The following COASY variants were observed in gnomAD, a reference collection of about 807,000 sequenced individuals.
COASY encodes the protein bifunctional coenzyme A synthase.
COASY carries 31 observed loss-of-function variants against 49.4 expected under a neutral mutation model. That is an observed-to-expected ratio of 0.63 (90% CI 0.47 to 0.85). The LOEUF is 0.85. Ranked by LOEUF, COASY falls within the 40% of genes least tolerant of loss-of-function variation. The pLI is 0.00. For missense variants in COASY, 730 were observed against 734.1 expected (o/e 0.99, Z 0.06); for synonymous variants, 285 against 310.9 (o/e 0.92, Z 0.88).
intron 4 of COASY, 37 bp downstream of exon 4, chr17:42,564,935 A>C (rs1245866394): frequency 6.2e-7 from 1 of 1,613,550 alleles, no homozygotes; most frequent in South Asian, 1.1e-5. Context: ...GCCTGGAGTG[A>C]GGAGCTAGCC....
In COASY at chr17:42,565,796, C is replaced by T. The variant is rs937193332; in HGVS notation, c.1623C>T (p.Thr541=). The T allele has an allele frequency of 6.2e-7, 1 of 1,613,910 alleles. No individual in the cohort carries two copies. The highest frequency in any genetic ancestry group is 8.5e-7 in the Non-Finnish European group (1 of 1,180,000). The change falls in exon 8 of 9, where the codon ACC becomes ACT. Residue 541 remains threonine, a synonymous_variant. Coordinates refer to ENST00000393818, the MANE Select transcript of COASY (RefSeq NM_025233.7). ...VLSTLWEPHI[T]QRQVEKAWAL... ...GCACCTTGTGGGAGCCGCATATCAC[C>T]CAACGCCAGGTTGGTGCCCAGGGCA...
intron 6 of COASY, 49 bp downstream of exon 6, chr17:42,565,360 T>G: frequency 6.2e-7 from 1 of 1,606,710 alleles, no homozygotes. Flanking sequence ...TTAAGCTGTT[T>G]CTTCCCCTGG....
chr17:42,565,433 C>G, intron 6 of COASY, 38 bp from the exon 7 acceptor site: 3 of 1,611,730 alleles, frequency 1.9e-6, no homozygotes, highest in Non-Finnish European at 2.5e-6. Context: ...CCTGGGAGAA[C>G]GTCGGCACTG....
At position 42,565,538 on chromosome 17, in the gene COASY, G is replaced by C; in HGVS notation, c.1455G>C (p.Glu485Asp). ...CCGGCTGGCAGAACCTGGTCCATGA[G>C]GTGTGGACTGCTGTCATCCCAGAGA... Reference protein sequence around the residue: ...LEAGWQNLVHEVWTAVIPETE... With the variant: ...LEAGWQNLVHDVWTAVIPETE... Residue 485 changes from glutamate (E) to aspartate (D), a missense_variant, in exon 7 of 9, where the codon GAG becomes GAC. Glu to Asp is a conservative substitution (Grantham distance 45). Coordinates refer to ENST00000393818, the MANE Select transcript of COASY (RefSeq NM_025233.7). 1 of 1,614,188 alleles carries C rather than the reference G, an allele frequency of 6.2e-7. No homozygotes were observed. Among genetic ancestry groups the C allele is most frequent in the East Asian group, 2.2e-5 (1 of 44,890 alleles).
rs1567902535 is a variant in COASY, at chr17:42,562,159, C to T, written c.-464C>T. The T allele has an allele frequency of 2.1e-6, 1 of 483,810 alleles. No individual in the cohort carries two copies. Among genetic ancestry groups the T allele is most frequent in the Non-Finnish European group, 3.7e-6 (1 of 272,292 alleles). The allele number at this position is 483,810 out of a possible 1,614,324, so 30.0% of individuals were successfully genotyped here. On this transcript the variant is annotated 5_prime_UTR_variant, in exon 1 of 9. Transcript: ENST00000393818. ...GTTGCGGTTTCTCCGTTAGTGCTTC[C>T]GGGTTGCAGCCAGGGAAGCCTCCGC...
In COASY at chr17:42,566,271, T is replaced by A; in HGVS notation, c.*303T>A. The A allele has an allele frequency of 2.3e-6, 1 of 426,356 alleles. No individual in the cohort carries two copies. The highest frequency in any genetic ancestry group is 4.3e-6 in the Non-Finnish European group (1 of 231,022). The allele number at this position is 426,356 out of a possible 1,614,324, so 26.4% of individuals were successfully genotyped here. On this transcript the variant is annotated 3_prime_UTR_variant, in exon 9 of 9. Coordinates refer to ENST00000393818, the MANE Select transcript of COASY (RefSeq NM_025233.7). ...CTGTAACAGAATTAAAGGTGAATGT[T>A]CTGAGATGTTGCTTGTATGGTGTCT...
chr17:42,565,124 G>A, intron 5 of COASY, 77 bp downstream of exon 5: 3 of 1,581,196 alleles, frequency 1.9e-6, no homozygotes. Context: ...TCTCTGGTCT[G>A]GCCCAGAATG....
At chr17:42,564,925 G>A (rs2092994654) in intron 4 of COASY, 27 bp downstream of exon 4, 1 of 1,613,980 alleles carries the variant, frequency 6.2e-7, no homozygotes. Flanking sequence ...GCTGAAAGTG[G>A]CCTGGAGTGA....
In COASY at chr17:42,563,310, G is replaced by C. The variant is rs568769350; in HGVS notation, c.688G>C (p.Asp230His). The change falls in exon 1 of 9, where the codon GAT becomes CAT. Residue 230 changes from aspartate to histidine, a missense_variant. By Grantham distance (81) the Asp-to-His change is moderately conservative. Coordinates refer to ENST00000393818, the MANE Select transcript of COASY (RefSeq NM_025233.7). Reference protein sequence around the residue: ...EQLVVGVADKDLLKSKLLPEL... With the variant: ...EQLVVGVADKHLLKSKLLPEL... ...GCTTGTGGTGGGAGTAGCAGACAAA[G>C]ATCTGTTGAAGAGTGAGTAAGAGGG... 6.3e-7 allele frequency: 1 copy of C among 1,594,280 alleles called. No individual in the cohort carries two copies. The highest frequency in any genetic ancestry group is 8.5e-7 in the Non-Finnish European group (1 of 1,173,214).
chr17:42,565,935 G>A lies in COASY; in HGVS notation c.1662G>A (p.Lys554=), dbSNP rs1198844168. Residue 554 remains lysine, a synonymous_variant, in exon 9 of 9, where the codon AAG becomes AAA. Coordinates refer to ENST00000393818, the MANE Select transcript of COASY (RefSeq NM_025233.7). ...AGAAAGCCTGGGCCCTCTTGCAGAA[G>A]CGCATTCCCAAGACTCATCAGGCCC... ...QVEKAWALLQ[K]RIPKTHQALD is the part of the protein sequence containing the mutation. The A allele has an allele frequency of 6.2e-7, 1 of 1,613,904 alleles. No homozygotes were observed. The highest frequency in any genetic ancestry group is 1.1e-5 in the South Asian group (1 of 91,088).
Position 42,562,374 on chromosome 17 carries a change from T to G in COASY, c.-249T>G, listed in dbSNP as rs376677692. 23 of 1,601,020 alleles carry G rather than the reference T, an allele frequency of 1.4e-5. No homozygotes were observed. In the African/African-American group the frequency reaches 2.7e-4, roughly 19 times the overall value. ...TGTCCAGTTTCCCCCTCCCAGGATT[T>G]CGACTCAGTTCAGCGAAGTCACCGC... is the stretch of plus-strand genomic sequence containing the variant. On this transcript the variant is annotated 5_prime_UTR_variant, in exon 1 of 9. Transcript: ENST00000393818.
Position 42,563,775 on chromosome 17 carries a change from T to G in COASY, c.701-186T>G, listed in dbSNP as rs2092988886. 2 of 583,664 alleles carry G rather than the reference T, an allele frequency of 3.4e-6. 1 individual carries two copies. The highest frequency in any genetic ancestry group is 6.4e-5 in the Admixed American group (2 of 31,044). 36.2% of individuals were successfully genotyped at this position (583,664 alleles called of 1,614,324 possible). Reference sequence around the variant, plus strand: ...TCTGGACACATGCCAGCCCTTGGAGTGACTATTGTGCTTGCCTGTTTCTTC... The same window carrying G: ...TCTGGACACATGCCAGCCCTTGGAGGGACTATTGTGCTTGCCTGTTTCTTC... On this transcript the variant is annotated intron_variant, in intron 1 of 8. Transcript: ENST00000393818.
Position 42,562,609 on chromosome 17 carries a change from C to A in COASY, c.-14C>A. 6.5e-7 allele frequency: 1 copy of A among 1,531,292 alleles called. No homozygotes were observed. Among genetic ancestry groups the A allele is most frequent in the Non-Finnish European group, 8.7e-7 (1 of 1,144,070 alleles). The allele number at this position is 1,531,292 out of a possible 1,614,324, so 94.9% of individuals were successfully genotyped here. Reference sequence around the variant, plus strand: ...GTCGCCTCGTCTCCCTGACTGTCCGCAGGCCTGGGCAGCATGGCCGTATTC... The same window carrying A: ...GTCGCCTCGTCTCCCTGACTGTCCGAAGGCCTGGGCAGCATGGCCGTATTC... On this transcript the variant is annotated 5_prime_UTR_variant, in exon 1 of 9. Transcript: ENST00000393818.
chr17:42,564,419 C>T, intron 2 of COASY, 27 bp from the exon 3 acceptor site: 1 of 1,613,926 alleles, frequency 6.2e-7, no homozygotes, highest in Non-Finnish European at 8.5e-7. Context: ...CTCCTTCCCT[C>T]TTTTTACCCT....
intron 2 of COASY, 124 bp from the exon 3 acceptor site, chr17:42,564,322 T>C: frequency 1.3e-6 from 2 of 1,503,706 alleles, no homozygotes; most frequent in Non-Finnish European, 9.2e-7. Flanking sequence ...GGTTCTCAGT[T>C]TGCCCGCTGA....
rs1300185174 is a variant in COASY, at chr17:42,565,035, GT to G, written c.1293del (p.Phe431LeufsTer7). 2 of 1,614,060 alleles carry G rather than the reference GT, an allele frequency of 1.2e-6. No homozygotes were observed. Among genetic ancestry groups the G allele is most frequent in the African/African-American group, 2.7e-5 (2 of 74,932 alleles). ...INRKVLGSRVFGNKKQLKILT... is the reference protein window; with the variant it reads ...INRKVLGSRVXGNKKQLKILT... Reference sequence around the variant, plus strand: ...ACAGGAAGGTCCTAGGCAGCCGGGTGTTTGGGAATAAGGTAAACAATAACTT... The same window carrying G: ...ACAGGAAGGTCCTAGGCAGCCGGGTGTTGGGAATAAGGTAAACAATAACTT... On this transcript the variant is annotated frameshift_variant, in exon 5 of 9. Coordinates refer to ENST00000393818, the MANE Select transcript of COASY (RefSeq NM_025233.7). LOFTEE classifies it high-confidence loss of function.
In COASY at chr17:42,566,109, A is replaced by G. The variant is rs1258011030; in HGVS notation, c.*141A>G. ...TGCAGGACATGGCCAGGCCTGGTGG[A>G]CACAGGAAGCCTACCCAACACGCTG... On this transcript the variant is annotated 3_prime_UTR_variant, in exon 9 of 9. Coordinates refer to ENST00000393818, the MANE Select transcript of COASY (RefSeq NM_025233.7). 1 of 854,790 alleles carries G rather than the reference A, an allele frequency of 1.2e-6. No individual in the cohort carries two copies. Among genetic ancestry groups the G allele is most frequent in the African/African-American group, 1.7e-5 (1 of 59,388 alleles). 53.0% of individuals were successfully genotyped at this position (854,790 alleles called of 1,614,324 possible).
At chr17:42,563,700 T>C (rs1465056883) in intron 1 of COASY, 5 of 531,286 alleles carry the variant, frequency 9.4e-6, no homozygotes, top group Non-Finnish European at 6.6e-6. Context: ...CTGCCTCTGA[T>C]GCCCTCTGGC....
chr17:42,562,521 T>C lies in COASY; in HGVS notation c.-102T>C, dbSNP rs2092980255. On this transcript the variant is annotated 5_prime_UTR_variant, in exon 1 of 9. Coordinates refer to ENST00000393818, the MANE Select transcript of COASY (RefSeq NM_025233.7). Reference sequence around the variant, plus strand: ...TGAAACCCCGTCCCTGCTCCAGGCCTCCTTCTCTGGGGTCCAAGGTCCCAT... The same window carrying C: ...TGAAACCCCGTCCCTGCTCCAGGCCCCCTTCTCTGGGGTCCAAGGTCCCAT... 4 of 1,612,032 alleles carry C rather than the reference T, an allele frequency of 2.5e-6. No individual in the cohort carries two copies. Among genetic ancestry groups the C allele is most frequent in the Non-Finnish European group, 2.5e-6 (3 of 1,179,408 alleles).
Sources: allele counts gnomAD v4.1 joint callset, GRCh38; gene constraint gnomAD v4.1.1; transcripts MANE v1.5; gene names NCBI Gene and HGNC (gene_info 2026-07-23, HGNC 2026-07-21).